TMEM131: variants seen among roughly 807,000 people sequenced by gnomAD.
TMEM131 encodes 2610524E03Rik.
TMEM131 carries 66 observed loss-of-function variants against 211.6 expected under a neutral mutation model. The ratio of observed to expected loss-of-function variants is 0.31; its 90% confidence interval spans 0.26 to 0.38. The LOEUF is 0.38. Among genes scored for constraint, TMEM131 ranks in the 10% least tolerant of loss-of-function variants. The pLI is 1.00. For missense variants in TMEM131, 2,036 were observed against 2,299.3 expected (o/e 0.89, Z 2.34); for synonymous variants, 844 against 841.3 (o/e 1.00, Z -0.06).
Position 97,775,948 on chromosome 2 carries a change from C to T in TMEM131, c.4215G>A (p.Lys1405=). The T allele has an allele frequency of 6.2e-7, 1 of 1,614,008 alleles. No individual in the cohort carries two copies. Among genetic ancestry groups the T allele is most frequent in the Non-Finnish European group, 8.5e-7 (1 of 1,179,886 alleles). Residue 1405 remains lysine, a synonymous_variant, in exon 32 of 41, where the codon AAG becomes AAA. Coordinates refer to ENST00000186436, the MANE Select transcript of TMEM131 (RefSeq NM_015348.2). The part of the protein sequence containing the change: ...KKQEEKEKKG[K]GKPQEDELKD... The stretch of plus-strand genomic sequence containing the variant: ...TCAGCTCATCTTCCTGTGGCTTTCC[C>T]TTTCCCTTCTTCTCCTTTTCCTCTT...
chr2:97,809,211 T>C (rs1272203953), intron 19 of TMEM131, among the ~76,000 whole-genome samples: 1 of 152,138 alleles, frequency 6.6e-6, no homozygotes, highest in African/African-American at 2.4e-5. Context: ...GACCATTCCA[T>C]TTTCTCTCTT....
chr2:97,914,456 T>A (rs752086918), intron 2 of TMEM131, among the ~76,000 whole-genome samples: 1 of 152,206 alleles, frequency 6.6e-6, no homozygotes, highest in African/African-American at 2.4e-5. Context: ...TGTAGGTTCA[T>A]GAACACCAGT....
intron 1 of TMEM131, among the ~76,000 whole-genome samples, chr2:97,933,730 C>CAA (rs1019717930): frequency 2.6e-5 from 4 of 151,994 alleles, no homozygotes; most frequent in Admixed American, 2.0e-4. Context: ...TCAAGGTATG[C>CAA]AAGACTCACC....
intron 4 of TMEM131, among the ~76,000 whole-genome samples, chr2:97,881,849 T>C (rs1204246469): frequency 2.0e-5 from 3 of 152,122 alleles, no homozygotes; most frequent in Non-Finnish European, 4.4e-5. Context: ...AGCAGTGATT[T>C]GTGGGGGCAA....
chr2:97,920,651 G>A (rs1454569317), intron 2 of TMEM131, among the ~76,000 whole-genome samples: 7 of 152,068 alleles, frequency 4.6e-5, no homozygotes, highest in East Asian at 3.9e-4. Flanking sequence ...ATGTTGAGTC[G>A]TATGAAATTG....
chr2:97,992,284 TTG>T (rs1215436626), intron 1 of TMEM131, among the ~76,000 whole-genome samples: 2 of 152,258 alleles, frequency 1.3e-5, no homozygotes, highest in African/African-American at 4.8e-5. Flanking sequence ...ATCTGTTTTC[TTG>T]TGGTCTTTAG....
chr2:97,766,135 G>C lies in TMEM131; in HGVS notation c.4702C>G (p.Pro1568Ala). ...DSPPPEWDSV[P>A]VHKPGSSTDS... The stretch of plus-strand genomic sequence containing the variant: ...TTACAGCTGCCAGGTTTGTGAACTG[G>C]AACGGAATCCCACTCCGGTGGAGGA... The change falls in exon 35 of 41, where the codon CCA (proline) becomes GCA (alanine). Residue 1568 changes from proline to alanine, a missense_variant. This residue lies in a region of TMEM131 where 1,623 missense variants were observed against 1,805.9 expected (regional missense o/e 0.90). Transcript: ENST00000186436. 1 of 1,614,038 alleles carries C rather than the reference G, an allele frequency of 6.2e-7. No homozygotes were observed. Among genetic ancestry groups the C allele is most frequent in the Non-Finnish European group, 8.5e-7 (1 of 1,179,890 alleles).
chr2:97,915,088 T>C (rs1676453773), intron 2 of TMEM131, among the ~76,000 whole-genome samples: 1 of 152,242 alleles, frequency 6.6e-6, no homozygotes, highest in Admixed American at 6.5e-5. Context: ...CATTGCCTGG[T>C]GGCTAACAAT....
At chr2:97,813,406 T>A (rs1254585907) in intron 15 of TMEM131, among the ~76,000 whole-genome samples, 1 of 152,214 alleles carries the variant, frequency 6.6e-6, no homozygotes, top group Non-Finnish European at 1.5e-5. Flanking sequence ...TTCTCTCTTA[T>A]CTAAGCTTCT....
chr2:97,849,593 A>C (rs1683604580), intron 5 of TMEM131, among the ~76,000 whole-genome samples: 1 of 152,128 alleles, frequency 6.6e-6, no homozygotes, highest in Non-Finnish European at 1.5e-5. Context: ...TATACACTAA[A>C]AGGGTGAATT....
chr2:97,827,309 C>T (rs531645313), intron 11 of TMEM131: 83 of 786,648 alleles, frequency 1.1e-4, no homozygotes, highest in Middle Eastern at 2.3e-4. Context: ...AAGAGGAGAT[C>T]GGCGCGGTTG....
At chr2:97,766,709 A>AC in intron 33 of TMEM131, 107 bp from the exon 34 acceptor site, 9 of 1,393,170 alleles carry the variant, frequency 6.5e-6, no homozygotes, top group Non-Finnish European at 7.9e-6. Flanking sequence ...GCAGGAAGCT[A>AC]ATGTGGCTTC....
At chr2:97,878,050 C>G (rs771214279) in intron 4 of TMEM131, among the ~76,000 whole-genome samples, 2 of 152,154 alleles carry the variant, frequency 1.3e-5, no homozygotes, top group African/African-American at 2.4e-5. Flanking sequence ...AGGATAGGAA[C>G]AGACACTTCA....
Position 97,814,274 on chromosome 2 carries a change from G to A in TMEM131, c.1407C>T (p.His469=), listed in dbSNP as rs375730734. The A allele has an allele frequency of 1.9e-5, 30 of 1,613,716 alleles. No individual in the cohort carries two copies. The highest frequency in any genetic ancestry group is 6.7e-5 in the Admixed American group (4 of 59,982). ...TGGCTTCTTCTGGTAGCAACACATC[G>A]TGAATGAGGATCGCAAAACTGAAAG... ...TNTFSFAILI[H]DVLLPEEAKT... The change falls in exon 14 of 41, where the codon CAC becomes CAT. Residue 469 remains histidine (H), a synonymous_variant. Transcript: ENST00000186436.
intron 4 of TMEM131, among the ~76,000 whole-genome samples, chr2:97,871,702 C>T (rs897806044): frequency 1.3e-5 from 2 of 152,198 alleles, no homozygotes; most frequent in African/African-American, 4.8e-5. Flanking sequence ...CCCTAGCCCC[C>T]TGCCCACAAA....
At chr2:97,935,652 CAGA>C (rs901755999) in intron 1 of TMEM131, among the ~76,000 whole-genome samples, 1 of 151,576 alleles carries the variant, frequency 6.6e-6, no homozygotes, top group Non-Finnish European at 1.5e-5. Flanking sequence ...CAAAATAGCA[CAGA>C]AGAAGAAAAA....
chr2:97,860,961 A>G (rs1483877124), intron 4 of TMEM131, among the ~76,000 whole-genome samples: 2 of 152,270 alleles, frequency 1.3e-5, no homozygotes, highest in East Asian at 3.9e-4. Flanking sequence ...GCCAAGTGGC[A>G]CAGAGAGAGA....
chr2:97,835,950 A>G (rs566362761), intron 8 of TMEM131, among the ~76,000 whole-genome samples: 25 of 152,268 alleles, frequency 1.6e-4, no homozygotes, highest in African/African-American at 5.5e-4. Context: ...AAAAATCTGA[A>G]TTCTCTTAGG....
At chr2:97,801,682 C>T (rs892718334) in intron 25 of TMEM131, among the ~76,000 whole-genome samples, 9 of 152,092 alleles carry the variant, frequency 5.9e-5, no homozygotes, top group South Asian at 2.1e-4. Context: ...CCCATAAATA[C>T]GAACCTTTTA....
Sources: allele counts gnomAD v4.1 joint callset (sites outside exome capture counted in the v4.1 genomes callset), GRCh38; gene constraint gnomAD v4.1.1; regional missense constraint gnomAD v4.1.1; transcripts MANE v1.5; gene names NCBI Gene and HGNC (gene_info 2026-07-23, HGNC 2026-07-21).